The following RAB33A variants were observed in gnomAD, a reference collection of about 807,000 sequenced individuals.
RAB33A encodes ras-related protein Rab-33A.
In RAB33A, 6 loss-of-function variants were observed where a neutral mutation model predicts 12.0. The ratio of observed to expected loss-of-function variants is 0.50; its 90% confidence interval spans 0.27 to 0.99. RAB33A has a LOEUF of 0.99. Ranked by LOEUF, RAB33A falls within the 50% of genes least tolerant of loss-of-function variation. The probability of loss-of-function intolerance (pLI) is 0.11; values close to 1 mark genes in which losing one functional copy is unlikely to be tolerated. For synonymous variants in RAB33A, 70 were observed against 82.4 expected (o/e 0.85, Z 0.81); for missense variants, 109 against 192.0 (o/e 0.57, Z 2.55).
At chrX:130,166,731 C>T in the RAB33A span, among the ~76,000 whole-genome samples, 2 of 111,682 alleles carry the variant, frequency 1.8e-5, no homozygotes. Context: ...TACGGATGGT[C>T]CCCGACTTAC....
the RAB33A span, among the ~76,000 whole-genome samples, chrX:130,132,904 G>A: frequency 9.1e-6 from 1 of 110,135 alleles, no homozygotes; most frequent in Non-Finnish European, 1.9e-5. Flanking sequence ...GCACCACCAC[G>A]TCCAGCTAAT....
chrX:130,165,506 C>A, the RAB33A span: 1 of 1,079,913 alleles, frequency 9.3e-7, no homozygotes, highest in Admixed American at 2.6e-5. Context: ...GAGCCTAAGG[C>A]GCCAGGCCCT....
At chrX:130,174,868 A>G (rs1410719154) in intron 1 of RAB33A, among the ~76,000 whole-genome samples, 1 of 110,798 alleles carries the variant, frequency 9.0e-6, no homozygotes, top group Non-Finnish European at 1.9e-5. Flanking sequence ...GGCCATCCCT[A>G]GGGTATTGAA....
chrX:130,130,077 C>T, the RAB33A span: 50 of 1,210,043 alleles, frequency 4.1e-5, no homozygotes, highest in African/African-American at 2.3e-4. Context: ...TCCCCCTGGA[C>T]GGGAGCCTGT....
At chrX:130,158,280 GAAAAAGA>G in the RAB33A span, among the ~76,000 whole-genome samples, 1 of 111,245 alleles carries the variant, frequency 9.0e-6, no homozygotes, top group African/African-American at 3.3e-5. Context: ...AAAAAAAAGA[GAAAAAGA>G]AAAAAGAAAA....
At chrX:130,166,074 G>C in the RAB33A span, among the ~76,000 whole-genome samples, 1 of 112,014 alleles carries the variant, frequency 8.9e-6, no homozygotes, top group Non-Finnish European at 1.9e-5. Context: ...TGGTGCTGCC[G>C]CTGTGTTGGT....
the RAB33A span, among the ~76,000 whole-genome samples, chrX:130,159,735 T>C: frequency 2.8e-5 from 3 of 108,533 alleles, no homozygotes; most frequent in Non-Finnish European, 5.7e-5. Context: ...TTTCACAAAC[T>C]GATAATACTA....
the RAB33A span, among the ~76,000 whole-genome samples, chrX:130,157,863 G>C: frequency 9.3e-6 from 1 of 107,791 alleles, no homozygotes; most frequent in Non-Finnish European, 1.9e-5. Context: ...GCTGAGGCAG[G>C]AGAATCGCTT....
the RAB33A span, among the ~76,000 whole-genome samples, chrX:130,151,718 T>C: frequency 8.9e-6 from 1 of 112,326 alleles, no homozygotes; most frequent in Non-Finnish European, 1.9e-5. Context: ...GTCCAGTATT[T>C]ACTCATATCT....
chrX:130,170,972 C>G (rs2031598648), upstream of RAB33A, among the ~76,000 whole-genome samples: 1 of 113,045 alleles, frequency 8.8e-6, no homozygotes, highest in South Asian at 3.6e-4. Flanking sequence ...TGGCCCTCTC[C>G]CGCGGCGGGC....
chrX:130,150,352 T>TC, the RAB33A span, among the ~76,000 whole-genome samples: 1 of 93,521 alleles, frequency 1.1e-5, no homozygotes, highest in African/African-American at 4.0e-5. Context: ...TTTTTTTTTT[T>TC]TGAGACGGAG....
the RAB33A span, among the ~76,000 whole-genome samples, chrX:130,157,126 G>GA: frequency 1.8e-5 from 2 of 110,363 alleles, no homozygotes; most frequent in South Asian, 3.8e-4. Flanking sequence ...AAGAAAATCA[G>GA]AAAAAAAAAT....
Position 130,171,988 on chromosome X carries a change from G to T in RAB33A, c.-75G>T. 9.3e-7 allele frequency: 1 copy of T among 1,073,406 alleles called. No individual in the cohort carries two copies. Among genetic ancestry groups the T allele is most frequent in the Non-Finnish European group, 1.2e-6 (1 of 816,290 alleles). 88.5% of individuals were successfully genotyped at this position (1,073,406 alleles called of 1,213,427 possible). A position where few individuals can be genotyped will look rare whatever the true frequency, so the allele number is the denominator to read the frequency against. The stretch of plus-strand genomic sequence containing the variant: ...CACACGCACAGAGCTCGCTCGCCTC[G>T]AGCGCACGAACGTGGACGTTCTCTT... On this transcript the variant is annotated 5_prime_UTR_variant, in exon 1 of 2. Transcript: ENST00000257017.
At chrX:130,172,365 G>T (rs1178101636) in intron 1 of RAB33A, 45 bp downstream of exon 1, 1 of 1,157,968 alleles carries the variant, frequency 8.6e-7, no homozygotes. Context: ...CCCGGGAGGG[G>T]ACCTCGCCCG....
chrX:130,155,057 G>T, the RAB33A span: 1 of 1,039,624 alleles, frequency 9.6e-7, no homozygotes, highest in South Asian at 1.9e-5. Context: ...GAAAGCACAT[G>T]CTGTGAATAT....
chrX:130,161,806 C>T, the RAB33A span, among the ~76,000 whole-genome samples: 1,106 of 110,461 alleles, frequency 0.01, 39 homozygotes, highest in East Asian at 0.089. Context: ...GGGGTTTCTC[C>T]ATGTTGGTCA....
At chrX:130,170,078 T>C (rs2031589069), upstream of RAB33A, among the ~76,000 whole-genome samples, 1 of 112,496 alleles carries the variant, frequency 8.9e-6, no homozygotes, top group African/African-American at 3.2e-5. Context: ...AGGAAATCCT[T>C]ATCTGGGTAG....
the RAB33A span, among the ~76,000 whole-genome samples, chrX:130,112,043 C>A: frequency 2.7e-5 from 3 of 111,754 alleles, no homozygotes; most frequent in Non-Finnish European, 5.7e-5. Flanking sequence ...CCTCCAGCAT[C>A]GGCCTGCTTC....
chrX:130,146,449 ATATGTG>A, the RAB33A span, among the ~76,000 whole-genome samples: 9 of 65,134 alleles, frequency 1.4e-4, no homozygotes, highest in East Asian at 5.0e-4. Context: ...GTCTCTCAAA[ATATGTG>A]TGTGTGTGTG....
Sources: gnomAD v4.1 joint callset for allele counts (sites outside exome capture counted in the v4.1 genomes callset) on GRCh38, gnomAD v4.1.1 for gene constraint, MANE v1.5 for transcripts, NCBI Gene and HGNC (gene_info 2026-07-23, HGNC 2026-07-21) for gene names.